Variants in ULK2 observed in about 807,000 individuals in gnomAD.
ULK2 encodes the protein unc-51 like autophagy activating kinase 2.
ULK2 carries 76 observed loss-of-function variants against 127.5 expected under a neutral mutation model. That is an observed-to-expected ratio of 0.60 (90% CI 0.50 to 0.72). The LOEUF (loss-of-function observed/expected upper bound fraction) is 0.72. Among genes scored for constraint, ULK2 ranks in the 30% least tolerant of loss-of-function variants. ULK2 has a pLI of 0.00. For synonymous variants in ULK2, 452 were observed against 461.9 expected, an observed-to-expected ratio of 0.98 and a Z score of 0.28; for missense variants, 1,144 against 1,295.9, an observed-to-expected ratio of 0.88 and a Z score of 1.80.
chr17:19,810,229 C>CAAAAAAAAAAAA (rs199922634), intron 14 of ULK2, 149 bp downstream of exon 14: 1 of 328,754 alleles, frequency 3.0e-6, no homozygotes, highest in Non-Finnish European at 5.2e-6. Flanking sequence ...GACTCCATCT[C>CAAAAAAAAAAAA]AAAAAAAAAA....
chr17:19,806,946 T>C (rs2152387693), intron 14 of ULK2, among the ~76,000 whole-genome samples: 1 of 152,330 alleles, frequency 6.6e-6, no homozygotes, highest in Non-Finnish European at 1.5e-5. Flanking sequence ...GGTGATAGCA[T>C]GACAACTTCT....
chr17:19,786,626 A>C (rs1319979187), intron 20 of ULK2, among the ~76,000 whole-genome samples: 3 of 151,892 alleles, frequency 2.0e-5, no homozygotes, highest in Non-Finnish European at 4.4e-5. Flanking sequence ...AGTCAGGAGA[A>C]TCTCTTGAAC....
Position 19,820,056 on chromosome 17 carries a change from T to TA in ULK2, c.925-3137_925-3136insT, listed in dbSNP as rs967631472. ...ATGGCTCACTGCAACTTTATTTATT[T>TA]TTTTTTTTTTTGAGATGGAGTCTCG... On this transcript the variant is annotated intron_variant, in intron 12 of 26. Transcript: ENST00000395544. Among the ~76,000 whole-genome samples the TA allele has an allele frequency of 1.1e-3, 170 of 150,880 alleles. 1 individual carries two copies. The highest frequency in any genetic ancestry group is 4.0e-3 in the African/African-American group (166 of 41,130).
At chr17:19,857,359 C>T (rs2042156551) in intron 3 of ULK2, among the ~76,000 whole-genome samples, 1 of 151,322 alleles carries the variant, frequency 6.6e-6, no homozygotes, top group Non-Finnish European at 1.5e-5. Flanking sequence ...GCTTCTGATA[C>T]TACAGCTTCT....
chr17:19,785,972 C>T lies in ULK2; in HGVS notation c.2216G>A (p.Cys739Tyr), dbSNP rs776904026. Residue 739 changes from cysteine to tyrosine, a missense_variant, in exon 21 of 27, where the codon TGT becomes TAT. Cys to Tyr is a radical substitution (Grantham distance 194). Around this residue, in one of 2 missense-constraint regions of ULK2, gnomAD observed 913 missense variants for 970.5 expected, o/e 0.94. Coordinates refer to ENST00000395544, the MANE Select transcript of ULK2 (RefSeq NM_014683.4). ...TCTTGTTCGAAGGAACATGTGGGTA[C>T]AAGTGGGGGCTGCCGCACTGTGTGG... is the stretch of plus-strand genomic sequence containing the variant. Reference protein sequence around the residue: ...SPPHSAAAPTCTHMFLRTRTT... With the variant: ...SPPHSAAAPTYTHMFLRTRTT... 4.4e-6 allele frequency: 7 copies of T among 1,594,792 alleles called. No homozygotes were observed. The South Asian group carries it at 7.8e-5, about 18-fold the overall frequency.
Position 19,867,713 on chromosome 17 carries a change from C to T in ULK2, c.-296G>A. ...GGCGCTGCCGGGCCAGGGGTGCCGT[C>T]ACCGTCACTGTGCGCGCCCAGAGCC... On this transcript the variant is annotated 5_prime_UTR_variant, in exon 1 of 27. Transcript: ENST00000395544. The T allele has an allele frequency of 5.5e-6, 1 of 183,168 alleles. No homozygotes were observed. Among genetic ancestry groups the T allele is most frequent in the Non-Finnish European group, 1.1e-5 (1 of 89,268 alleles). 11.3% of individuals were successfully genotyped at this position (183,168 alleles called of 1,614,324 possible).
At chr17:19,863,910 T>C (rs964046246) in intron 3 of ULK2, among the ~76,000 whole-genome samples, 1 of 152,210 alleles carries the variant, frequency 6.6e-6, no homozygotes, top group Non-Finnish European at 1.5e-5. Context: ...CTATAACCTA[T>C]AATCATAGAT....
chr17:19,807,037 T>C (rs1567690873), intron 14 of ULK2, among the ~76,000 whole-genome samples: 1 of 152,022 alleles, frequency 6.6e-6, no homozygotes, highest in Non-Finnish European at 1.5e-5. Context: ...CCTGAAAGGG[T>C]GACAGGTAAT....
At chr17:19,845,431 A>T in intron 6 of ULK2, 54 bp from the exon 7 acceptor site, 3 of 1,298,772 alleles carry the variant, frequency 2.3e-6, no homozygotes, top group Non-Finnish European at 3.4e-6. Context: ...CTCATACCTA[A>T]CATATATCAT....
At chr17:19,839,521 C>CG (rs35548263) in intron 9 of ULK2, among the ~76,000 whole-genome samples, 15,958 of 151,388 alleles carry the variant, frequency 0.11, 1,550 homozygotes, top group East Asian at 0.39. Flanking sequence ...AAAAATTGGC[C>CG]GGTGTGGTAG....
At chr17:19,805,025 C>T (rs899740610) in intron 14 of ULK2, among the ~76,000 whole-genome samples, 195 bp from the exon 15 acceptor site, 7 of 141,804 alleles carry the variant, frequency 4.9e-5, no homozygotes, top group Non-Finnish European at 1.1e-4. Flanking sequence ...AAACTCCTGG[C>T]ATTCATATGC....
intron 3 of ULK2, among the ~76,000 whole-genome samples, chr17:19,852,804 G>A (rs555860696): frequency 6.6e-6 from 1 of 151,068 alleles, no homozygotes; most frequent in Non-Finnish European, 1.5e-5. Context: ...CTAGTTTTTT[G>A]TTGTTGTTGT....
chr17:19,862,699 C>T (rs2042268580), intron 3 of ULK2, among the ~76,000 whole-genome samples: 1 of 152,096 alleles, frequency 6.6e-6, no homozygotes, highest in Admixed American at 6.6e-5. Context: ...CTCCCAACCT[C>T]AGGTGACCCA....
rs117616750 is a variant in ULK2, at chr17:19,864,758, A to T, written c.225+45T>A. ...GAGTCACTTAAATCTGTATGAAATT[A>T]AAAAAAATTTATTTTAATTTTTAAA... On this transcript the variant is annotated intron_variant, in intron 3 of 26. Transcript: ENST00000395544. 2,438 of 901,698 alleles carry T rather than the reference A, an allele frequency of 2.7e-3. 56 individuals are homozygous for T. In the East Asian group the frequency reaches 0.053, roughly 20 times the overall value. 55.9% of individuals were successfully genotyped at this position (901,698 alleles called of 1,614,324 possible).
chr17:19,843,151 G>A lies in ULK2; in HGVS notation c.615C>T (p.Tyr205=). The change falls in exon 8 of 27, where the codon TAC becomes TAT. Residue 205 remains tyrosine, a synonymous_variant. Transcript: ENST00000395544. ...AAGGTGGTTTTCCAACTAGGCATTG[G>A]TATATCACTGTTCCTATGCTCCACA... is the stretch of plus-strand genomic sequence containing the variant. The part of the protein sequence containing the change: ...ADLWSIGTVI[Y]QCLVGKPPFQ... 6.2e-7 allele frequency: 1 copy of A among 1,613,402 alleles called. No individual in the cohort carries two copies.
intron 10 of ULK2, among the ~76,000 whole-genome samples, chr17:19,837,044 C>T (rs932491827): frequency 2.6e-5 from 4 of 151,664 alleles, no homozygotes; most frequent in Admixed American, 2.6e-4. Context: ...TACGATCACA[C>T]CACTGCATTC....
At chr17:19,828,118 T>C (rs1465516424) in intron 10 of ULK2, among the ~76,000 whole-genome samples, 1 of 151,726 alleles carries the variant, frequency 6.6e-6, no homozygotes, top group African/African-American at 2.4e-5. Flanking sequence ...TTATCTAAAG[T>C]GCTGAAAGAA....
chr17:19,777,077 G>GTATC lies in ULK2; in HGVS notation c.3052+500_3052+503dup, dbSNP rs555148489. Among the ~76,000 whole-genome samples the GTATC allele has an allele frequency of 8.4e-4, 127 of 152,094 alleles. 1 individual carries two copies. In the Middle Eastern group the frequency reaches 0.01, roughly 12 times the overall value. On this transcript the variant is annotated intron_variant, in intron 26 of 26. Coordinates refer to ENST00000395544, the MANE Select transcript of ULK2 (RefSeq NM_014683.4). ...TATATCTATCTATGTATCTATGTAT[G>GTATC]TATCTACCTACCTACCTACCTATCT...
At chr17:19,826,404 T>G (rs2041298696) in intron 10 of ULK2, among the ~76,000 whole-genome samples, 1 of 152,118 alleles carries the variant, frequency 6.6e-6, no homozygotes, top group Non-Finnish European at 1.5e-5. Flanking sequence ...CAATAACAAA[T>G]TTTAAATAAT....
Sources: allele counts gnomAD v4.1 joint callset (sites outside exome capture counted in the v4.1 genomes callset), GRCh38; gene constraint gnomAD v4.1.1; regional missense constraint gnomAD v4.1.1; transcripts MANE v1.5; gene names NCBI Gene and HGNC (gene_info 2026-07-23, HGNC 2026-07-21).